The following ADAM22 variants were observed in gnomAD, a reference collection of about 807,000 sequenced individuals.
The protein encoded by ADAM22 is disintegrin and metalloproteinase domain-containing protein 22.
A neutral mutation model predicts 144.6 loss-of-function variants in ADAM22; 65 were observed. That is an observed-to-expected ratio of 0.45 (90% CI 0.37 to 0.55). The LOEUF is 0.55. Among genes scored for constraint, ADAM22 ranks in the 20% least tolerant of loss-of-function variants. The pLI is 0.00. For synonymous variants in ADAM22, 391 were observed against 412.6 expected, an observed-to-expected ratio of 0.95 and a Z score of 0.63; for missense variants, 974 against 1,184.9, an observed-to-expected ratio of 0.82 and a Z score of 2.61.
chr7:88,103,231 C>T (rs1343492396), intron 4 of ADAM22, among the ~76,000 whole-genome samples: 2 of 152,166 alleles, frequency 1.3e-5, no homozygotes, highest in Non-Finnish European at 2.9e-5. Flanking sequence ...TATGGCTTTA[C>T]AGCTGTGCTC....
intron 3 of ADAM22, among the ~76,000 whole-genome samples, chr7:88,002,770 T>C (rs978654785): frequency 4.6e-5 from 7 of 152,224 alleles, no homozygotes; most frequent in Non-Finnish European, 8.8e-5. Flanking sequence ...TAGTTAGTGA[T>C]ACTAACCTCC....
chr7:87,939,743 A>G (rs571906756), intron 2 of ADAM22, among the ~76,000 whole-genome samples: 1 of 152,320 alleles, frequency 6.6e-6, no homozygotes, highest in Non-Finnish European at 1.5e-5. Context: ...CTTGAATGCA[A>G]AATGGTGCCT....
intron 3 of ADAM22, among the ~76,000 whole-genome samples, chr7:88,019,876 TG>T (rs1797375432): frequency 7.1e-6 from 1 of 140,686 alleles, no homozygotes; most frequent in African/African-American, 3.1e-5. Flanking sequence ...TGTGTGTGTG[TG>T]TGTGTGTGTG....
intron 3 of ADAM22, among the ~76,000 whole-genome samples, chr7:88,062,217 C>A (rs531092189): frequency 4.0e-5 from 6 of 149,724 alleles, no homozygotes; most frequent in African/African-American, 1.5e-4. Flanking sequence ...CATCTTCTTC[C>A]AATAAAAGGC....
At chr7:87,985,394 A>G (rs926328750) in intron 3 of ADAM22, among the ~76,000 whole-genome samples, 4 of 152,060 alleles carry the variant, frequency 2.6e-5, no homozygotes, top group Non-Finnish European at 5.9e-5. Context: ...CAGTACCTTT[A>G]CTGAGTGGTG....
At chr7:88,099,537 C>T (rs929824207) in intron 4 of ADAM22, among the ~76,000 whole-genome samples, 17 of 152,108 alleles carry the variant, frequency 1.1e-4, no homozygotes, top group African/African-American at 4.1e-4. Flanking sequence ...AAGCTGTTCC[C>T]TATGCAAACA....
chr7:88,112,734 G>A (rs1040518782), intron 5 of ADAM22, among the ~76,000 whole-genome samples: 1 of 152,132 alleles, frequency 6.6e-6, no homozygotes, highest in African/African-American at 2.4e-5. Context: ...GAAATATAGG[G>A]TCTTGCTCTG....
intron 2 of ADAM22, among the ~76,000 whole-genome samples, chr7:87,961,248 C>G (rs112581148): frequency 6.6e-6 from 1 of 152,012 alleles, no homozygotes; most frequent in African/African-American, 2.4e-5. Flanking sequence ...AGTATAATGA[C>G]CCCAAGGCCA....
intron 3 of ADAM22, among the ~76,000 whole-genome samples, chr7:88,061,839 C>CTTTTTTT (rs60313970): frequency 8.9e-6 from 1 of 112,030 alleles, no homozygotes; most frequent in Non-Finnish European, 1.7e-5. Flanking sequence ...CTCTCTCTCT[C>CTTTTTTT]TTTTTTTTTT....
chr7:88,153,874 T>C (rs1839163634), intron 21 of ADAM22, among the ~76,000 whole-genome samples: 1 of 152,238 alleles, frequency 6.6e-6, no homozygotes, highest in African/African-American at 2.4e-5. Context: ...CTTCAACTAT[T>C]ACAAAATTCT....
In ADAM22 at chr7:87,945,288, G is replaced by A. The variant is rs372805525; in HGVS notation, c.246+10102G>A. ...CCCTAAGTTAGAATTTGGAAAATTC[G>A]TTCTTACTGAGATGGATAATTTTGG... On this transcript the variant is annotated intron_variant, in intron 2 of 31. Coordinates refer to ENST00000413139, the MANE Select transcript of ADAM22 (RefSeq NM_001324418.2). Among the ~76,000 whole-genome samples, 13 of 152,046 alleles carry A rather than the reference G, an allele frequency of 8.6e-5. No individual in the cohort carries two copies. The East Asian group carries it at 1.2e-3, about 14-fold the overall frequency.
intron 22 of ADAM22, among the ~76,000 whole-genome samples, chr7:88,157,990 G>A (rs990049244): frequency 6.6e-6 from 1 of 152,132 alleles, no homozygotes; most frequent in African/African-American, 2.4e-5. Context: ...CCCAAGGTGT[G>A]CTGTCTTCAA....
At chr7:88,092,349 C>G (rs1199977986) in intron 4 of ADAM22, among the ~76,000 whole-genome samples, 2 of 152,190 alleles carry the variant, frequency 1.3e-5, no homozygotes, top group African/African-American at 4.8e-5. Context: ...AGTAAAAGAG[C>G]CATACAAATC....
At chr7:88,158,453 C>G (rs560465160) in intron 22 of ADAM22, among the ~76,000 whole-genome samples, 1 of 152,242 alleles carries the variant, frequency 6.6e-6, no homozygotes, top group South Asian at 2.1e-4. Context: ...AGTATATATT[C>G]TTCTAATCAT....
intron 3 of ADAM22, among the ~76,000 whole-genome samples, chr7:87,986,647 C>T (rs886076423): frequency 6.6e-6 from 1 of 152,184 alleles, no homozygotes. Context: ...AGAGTAGCAT[C>T]AGGCTCCTGT....
At chr7:88,184,739 G>C (rs1194212062) in intron 29 of ADAM22, among the ~76,000 whole-genome samples, 1 of 152,092 alleles carries the variant, frequency 6.6e-6, no homozygotes. Context: ...ACATTTTCAT[G>C]GGCAGATCCC....
chr7:88,173,323 T>G (rs976035041), intron 26 of ADAM22, among the ~76,000 whole-genome samples: 10 of 152,080 alleles, frequency 6.6e-5, no homozygotes, highest in African/African-American at 1.2e-4. Flanking sequence ...GTCCATCATA[T>G]TTTGAGAGTT....
intron 3 of ADAM22, among the ~76,000 whole-genome samples, chr7:88,008,546 T>C (rs1794550199): frequency 6.6e-6 from 1 of 152,142 alleles, no homozygotes. Flanking sequence ...GTGGCACATA[T>C]ACATCATGGA....
At chr7:87,975,900 T>G (rs1851794244) in intron 2 of ADAM22, among the ~76,000 whole-genome samples, 1 of 152,132 alleles carries the variant, frequency 6.6e-6, no homozygotes, top group African/African-American at 2.4e-5. Flanking sequence ...GCAGAGGCTC[T>G]TCCCAAAACA....
Sources: gnomAD v4.1 joint callset for allele counts (sites outside exome capture counted in the v4.1 genomes callset) on GRCh38, gnomAD v4.1.1 for gene constraint, MANE v1.5 for transcripts, NCBI Gene and HGNC (gene_info 2026-07-23, HGNC 2026-07-21) for gene names.